CCDC28A: variants seen among roughly 807,000 people sequenced by gnomAD.
CCDC28A encodes coiled-coil domain containing 28A, also known as coiled-coil domain-containing protein 28A.
CCDC28A carries 24 observed loss-of-function variants against 22.1 expected under a neutral mutation model. The ratio of observed to expected loss-of-function variants is 1.09; its 90% confidence interval spans 0.79 to 1.53. CCDC28A has a LOEUF of 1.53. CCDC28A is among the 40% of genes most tolerant of loss of function. The pLI, the probability that CCDC28A is intolerant of heterozygous loss-of-function variation, is 0.00. For synonymous variants in CCDC28A, 83 were observed against 74.7 expected, an observed-to-expected ratio of 1.11 and a Z score of -0.57; for missense variants, 170 against 210.7, an observed-to-expected ratio of 0.81 and a Z score of 1.20.
intron 5 of CCDC28A, among the ~76,000 whole-genome samples, chr6:138,791,331 C>T (rs1775166222): frequency 6.6e-6 from 1 of 152,164 alleles, no homozygotes; most frequent in South Asian, 2.1e-4. Context: ...GTCCTCCTGC[C>T]TCAGCCTCCC....
chr6:138,779,763 ATTAAGCAAAAGC>A, intron 2 of CCDC28A, 47 bp from the exon 3 acceptor site: 1 of 1,353,198 alleles, frequency 7.4e-7, no homozygotes, highest in Non-Finnish European at 9.9e-7. Context: ...TCACTAAAAA[ATTAAGCAAAAGC>A]TTAATCTAGA....
intron 2 of CCDC28A, 127 bp downstream of exon 2, chr6:138,776,405 GATTTAGAAGAAAA>G (rs1377049447): frequency 1.5e-6 from 1 of 688,476 alleles, no homozygotes; most frequent in African/African-American, 1.8e-5. Flanking sequence ...CATTATGCGT[GATTTAGAAGAAAA>G]ATTTATGAAA....
At chr6:138,788,162 T>C (rs1268835213) in intron 4 of CCDC28A, among the ~76,000 whole-genome samples, 1 of 152,004 alleles carries the variant, frequency 6.6e-6, no homozygotes, top group Non-Finnish European at 1.5e-5. Flanking sequence ...GGTCTTACCA[T>C]GTTGTCCAGG....
chr6:138,788,547 T>C (rs1438746997), intron 5 of CCDC28A, among the ~76,000 whole-genome samples, 159 bp downstream of exon 5: 1 of 150,622 alleles, frequency 6.6e-6, no homozygotes, highest in Non-Finnish European at 1.5e-5. Flanking sequence ...TTGGTTTTCT[T>C]TTCTTTCTCT....
rs1489631187 is a variant in CCDC28A at position 138,793,121 on chromosome 6, T to C, written c.*318T>C. On this transcript the variant is annotated 3_prime_UTR_variant, in exon 6 of 6. Transcript: ENST00000617445. ...GTTCTTGACAGGGCGGAGGGATTTC[T>C]CTTTCCTGAGCTCACCAAACTTATT... The C allele has an allele frequency of 3.4e-6, 1 of 290,874 alleles. No homozygotes were observed. Among genetic ancestry groups the C allele is most frequent in the African/African-American group, 2.2e-5 (1 of 45,202 alleles). 18.0% of individuals were successfully genotyped at this position (290,874 alleles called of 1,614,324 possible).
rs1449492733 is a variant in CCDC28A, at chr6:138,792,758, C to T, written c.510C>T (p.Leu170=). The T allele has an allele frequency of 1.6e-5, 26 of 1,604,184 alleles. No homozygotes were observed. The highest frequency in any genetic ancestry group is 2.2e-5 in the Non-Finnish European group (26 of 1,173,846). Residue 170 remains leucine (L), a synonymous_variant, in exon 6 of 6, where the codon CTC becomes CTT. Coordinates refer to ENST00000617445, the MANE Select transcript of CCDC28A (RefSeq NM_015439.3). The part of the protein sequence containing the change: ...LEELNSSIQK[L]HLADAQDVPN... The stretch of plus-strand genomic sequence containing the variant: ...TAACTGATTAATTCAGACAAAAACT[C>T]CATTTGGCAGATGCACAAGATGTTC...
intron 3 of CCDC28A, among the ~76,000 whole-genome samples, chr6:138,782,003 ACC>A (rs947153304): frequency 6.6e-6 from 1 of 152,204 alleles, no homozygotes; most frequent in Non-Finnish European, 1.5e-5. Flanking sequence ...ACTTTATTGT[ACC>A]CCTACCTCCT....
At chr6:138,790,831 T>C (rs1343829741) in intron 5 of CCDC28A, among the ~76,000 whole-genome samples, 1 of 152,234 alleles carries the variant, frequency 6.6e-6, no homozygotes, top group Admixed American at 6.5e-5. Context: ...TGAAGTCTGT[T>C]TGCCATCTCT....
intron 2 of CCDC28A, among the ~76,000 whole-genome samples, chr6:138,779,575 A>G (rs1480642141): frequency 6.6e-6 from 1 of 152,214 alleles, no homozygotes; most frequent in Non-Finnish European, 1.5e-5. Flanking sequence ...CCAAAGAATT[A>G]GCATATTATA....
rs75424888 is a variant in CCDC28A at position 138,773,769 on chromosome 6, G to A, written c.-176G>A. 4,429 of 1,612,592 alleles carry A rather than the reference G, an allele frequency of 2.7e-3. 106 individuals carry two copies. The East Asian group carries it at 0.052, about 19-fold the overall frequency. ...AGGCTGTACCTCTTACGTCACTTCC[G>A]TAAACAAACGGAGCTGCGGAGGAGC... On this transcript the variant is annotated 5_prime_UTR_variant, in exon 1 of 6. Coordinates refer to ENST00000617445, the MANE Select transcript of CCDC28A (RefSeq NM_015439.3).
In CCDC28A at chr6:138,774,363, A is replaced by C. The variant is rs966194773; in HGVS notation, c.-43+461A>C. ...GCCAGCGTGTTTATGCGTATCATAC[A>C]TTTTTACAGATCCTTGCCTCTTCAG... is the stretch of plus-strand genomic sequence containing the variant. On this transcript the variant is annotated intron_variant, in intron 1 of 5. Coordinates refer to ENST00000617445, the MANE Select transcript of CCDC28A (RefSeq NM_015439.3). Among the ~76,000 whole-genome samples the C allele has an allele frequency of 2.6e-5, 4 of 152,276 alleles. No homozygotes were observed. In the East Asian group the frequency reaches 7.7e-4, roughly 29 times the overall value.
intron 4 of CCDC28A, among the ~76,000 whole-genome samples, chr6:138,785,830 G>T (rs1775086932): frequency 6.6e-6 from 1 of 152,088 alleles, no homozygotes. Context: ...CTTCTGTACA[G>T]ATATAATAAA....
chr6:138,792,614 A>G, intron 5 of CCDC28A, 135 bp from the exon 6 acceptor site: 1 of 658,864 alleles, frequency 1.5e-6, no homozygotes, highest in South Asian at 1.7e-5. Context: ...GTGTCTCAGT[A>G]GCAACACAAG....
At chr6:138,792,561 G>T (rs1368375303) in intron 5 of CCDC28A, among the ~76,000 whole-genome samples, 188 bp from the exon 6 acceptor site, 1 of 150,396 alleles carries the variant, frequency 6.6e-6, no homozygotes, top group Non-Finnish European at 1.5e-5. Context: ...TTCTAGACAA[G>T]AGTATAATTT....
chr6:138,779,266 T>C (rs1774982290), intron 2 of CCDC28A, among the ~76,000 whole-genome samples: 2 of 152,152 alleles, frequency 1.3e-5, no homozygotes, highest in Admixed American at 6.5e-5. Context: ...GTGGGTATAA[T>C]TGATAGGACT....
chr6:138,784,699 C>CTTT (rs58448983), intron 3 of CCDC28A, among the ~76,000 whole-genome samples: 1 of 143,476 alleles, frequency 7.0e-6, no homozygotes, highest in African/African-American at 2.6e-5. Flanking sequence ...CCTATATGCT[C>CTTT]TTTTTTTTTT....
intron 4 of CCDC28A, among the ~76,000 whole-genome samples, chr6:138,787,957 C>CTTTT (rs397886393): frequency 2.8e-4 from 24 of 85,290 alleles, no homozygotes; most frequent in Non-Finnish European, 4.2e-4. Flanking sequence ...TTACAGAAAG[C>CTTTT]TTTTTTTTTT....
rs558895542 is a variant in CCDC28A, at chr6:138,773,790, G to C, written c.-155G>C. ...TTCCGTAAACAAACGGAGCTGCGGA[G>C]GAGCGGGTCCCGGGATGTGACCGGG... On this transcript the variant is annotated 5_prime_UTR_variant, in exon 1 of 6. Transcript: ENST00000617445. The C allele has an allele frequency of 6.2e-6, 10 of 1,613,736 alleles. No individual in the cohort carries two copies. The East Asian group carries it at 2.2e-4, about 36-fold the overall frequency.
intron 2 of CCDC28A, among the ~76,000 whole-genome samples, chr6:138,778,468 C>T (rs1382509273): frequency 6.6e-6 from 1 of 152,178 alleles, no homozygotes; most frequent in Non-Finnish European, 1.5e-5. Flanking sequence ...CATCACTCAA[C>T]TATTTGAGAG....
Sources: gnomAD v4.1 joint callset for allele counts (sites outside exome capture counted in the v4.1 genomes callset) on GRCh38, gnomAD v4.1.1 for gene constraint, MANE v1.5 for transcripts, NCBI Gene and HGNC (gene_info 2026-07-23, HGNC 2026-07-21) for gene names.